Variants in MGST3 observed in about 807,000 individuals in gnomAD.
MGST3 encodes the protein microsomal glutathione S-transferase 3, also known as glutathione S-transferase 3, mitochondrial.
A neutral mutation model predicts 15.8 loss-of-function variants in MGST3; 13 were observed. The observed-to-expected ratio is 0.82, with a 90% CI of 0.54 to 1.31. The LOEUF (loss-of-function observed/expected upper bound fraction) is 1.31, where lower values mean the gene tolerates loss of function less well. MGST3 is among the 50% of genes most tolerant of loss of function. The probability of loss-of-function intolerance (pLI) is 0.00; values close to 1 mark genes in which losing one functional copy is unlikely to be tolerated. For missense variants in MGST3, 155 were observed against 192.4 expected (o/e 0.81, Z 1.15); for synonymous variants, 49 against 68.1 (o/e 0.72, Z 1.38).
intron 1 of MGST3, among the ~76,000 whole-genome samples, chr1:165,642,457 A>G (rs1465067928): frequency 2.0e-5 from 3 of 152,250 alleles, no homozygotes; most frequent in African/African-American, 7.2e-5. Flanking sequence ...AGTTCAGAAA[A>G]GGAAGAGGAT....
intron 1 of MGST3, chr1:165,632,358 C>T: frequency 1.4e-6 from 2 of 1,457,936 alleles, no homozygotes; most frequent in Non-Finnish European, 9.6e-7. Context: ...CAGCGCTTCT[C>T]TTGGGAAATC....
chr1:165,633,038 A>G (rs1455952772), intron 1 of MGST3, among the ~76,000 whole-genome samples: 1 of 152,224 alleles, frequency 6.6e-6, no homozygotes, highest in Admixed American at 6.5e-5. Flanking sequence ...ACCGACCACA[A>G]TTGACCATGA....
At position 165,639,642 on chromosome 1, in the gene MGST3, A is replaced by AAAATAC. The variant is rs9333410; in HGVS notation, c.-8+8353_-8+8358dup. 9.7e-3 allele frequency among the ~76,000 whole-genome samples: 1,481 copies of AAAATAC among 152,192 alleles called. 47 individuals carry two copies. The highest frequency in any genetic ancestry group is 0.058 in the Admixed American group (890 of 15,262). On this transcript the variant is annotated intron_variant, in intron 1 of 5. Coordinates refer to ENST00000367889, the MANE Select transcript of MGST3 (RefSeq NM_004528.4). ...ACATGGCGAAACCCCATCTCTACTAAAAATACAAAAATTAGCTGGGTGTAG... is the reference window on the plus strand; with the variant it reads ...ACATGGCGAAACCCCATCTCTACTAAAAATACAAATACAAAAATTAGCTGGGTGTAG...
intron 5 of MGST3, among the ~76,000 whole-genome samples, chr1:165,655,152 A>C (rs539790692): frequency 6.6e-6 from 1 of 152,330 alleles, no homozygotes; most frequent in East Asian, 1.9e-4. Context: ...TTATTATCCC[A>C]TAATTTTCTA....
Position 165,655,511 on chromosome 1 carries a change from A to G in MGST3, c.*7A>G, listed in dbSNP as rs1648684296. On this transcript the variant is annotated 3_prime_UTR_variant, in exon 6 of 6. Coordinates refer to ENST00000367889, the MANE Select transcript of MGST3 (RefSeq NM_004528.4). The stretch of plus-strand genomic sequence containing the variant: ...ACCCAAATGCTGCCATTAAAGAATT[A>G]TAGGGGTTTAAAAACTCTCATTCAT... 1 of 1,614,076 alleles carries G rather than the reference A, an allele frequency of 6.2e-7. No homozygotes were observed. Among genetic ancestry groups the G allele is most frequent in the Non-Finnish European group, 8.5e-7 (1 of 1,179,998 alleles).
At chr1:165,632,796 AGAGAT>A (rs1239916388) in intron 1 of MGST3, among the ~76,000 whole-genome samples, 1 of 152,178 alleles carries the variant, frequency 6.6e-6, no homozygotes, top group Non-Finnish European at 1.5e-5. Context: ...CAATCCTGGA[AGAGAT>A]CCTCCTCGCC....
intron 4 of MGST3, among the ~76,000 whole-genome samples, chr1:165,653,033 C>A (rs748834544): frequency 3.3e-5 from 5 of 152,208 alleles, no homozygotes; most frequent in Non-Finnish European, 7.3e-5. Flanking sequence ...CCATCTGGTT[C>A]ATCCTGAATG....
At chr1:165,650,717 C>G in intron 2 of MGST3, 1 of 416,444 alleles carries the variant, frequency 2.4e-6, no homozygotes, top group South Asian at 2.2e-5. Flanking sequence ...CTGAAATCCA[C>G]CATTGATGCT....
chr1:165,652,726 T>A, intron 4 of MGST3, among the ~76,000 whole-genome samples: 1 of 152,078 alleles, frequency 6.6e-6, no homozygotes, highest in Admixed American at 6.6e-5. Context: ...CTGGTTTGTT[T>A]GGTGAGCAGT....
intron 1 of MGST3, among the ~76,000 whole-genome samples, chr1:165,641,762 A>C (rs1648272065): frequency 6.6e-6 from 1 of 152,202 alleles, no homozygotes; most frequent in Non-Finnish European, 1.5e-5. Context: ...CTGACTCCTC[A>C]ATTCCTGCTA....
chr1:165,632,087 T>C, intron 1 of MGST3: 1 of 639,366 alleles, frequency 1.6e-6, no homozygotes, highest in Non-Finnish European at 2.7e-6. Flanking sequence ...TGGCTTCTGC[T>C]GATACTTTCC....
chr1:165,639,943 A>G (rs1309308068), intron 1 of MGST3, among the ~76,000 whole-genome samples: 1 of 152,214 alleles, frequency 6.6e-6, no homozygotes. Flanking sequence ...TGGAAGTCCT[A>G]CTGATTCATT....
At position 165,655,961 on chromosome 1, in the gene MGST3, A is replaced by T; in HGVS notation, c.*457A>T. On this transcript the variant is annotated 3_prime_UTR_variant, in exon 6 of 6. Transcript: ENST00000367889. ...CTCTACAAAAAAATATACAACAGTT[A>T]GCCAGGCATGATGGCACATGTCTGC... 4.7e-6 allele frequency: 1 copy of T among 212,012 alleles called. No individual in the cohort carries two copies. Among genetic ancestry groups the T allele is most frequent in the South Asian group, 7.3e-5 (1 of 13,770 alleles). The allele number at this position is 212,012 out of a possible 1,614,324, so 13.1% of individuals were successfully genotyped here.
intron 1 of MGST3, chr1:165,646,979 C>T (rs1403293416): frequency 6.6e-6 from 1 of 152,278 alleles, no homozygotes; most frequent in Non-Finnish European, 1.5e-5. Flanking sequence ...AGAACAGTCA[C>T]GCTGCTGCCC....
At chr1:165,641,589 T>C (rs1428356074) in intron 1 of MGST3, among the ~76,000 whole-genome samples, 1 of 152,254 alleles carries the variant, frequency 6.6e-6, no homozygotes, top group Non-Finnish European at 1.5e-5. Context: ...TATTTCTTCA[T>C]ATTTGGACCA....
intron 4 of MGST3, 105 bp from the exon 5 acceptor site, chr1:165,654,174 C>A (rs4147605): frequency 8.9e-7 from 1 of 1,128,840 alleles, no homozygotes; most frequent in Non-Finnish European, 1.3e-6. Context: ...GCCAAATCAT[C>A]AAATTGTTAA....
intron 5 of MGST3, among the ~76,000 whole-genome samples, chr1:165,654,580 A>G (rs1028007700): frequency 6.6e-6 from 1 of 152,136 alleles, no homozygotes; most frequent in Non-Finnish European, 1.5e-5. Flanking sequence ...AGTCCCAGCT[A>G]CTTGGGAGGC....
intron 1 of MGST3, chr1:165,632,340 A>G (rs1291693771): frequency 2.6e-6 from 4 of 1,548,128 alleles, no homozygotes; most frequent in Non-Finnish European, 3.6e-6. Flanking sequence ...GCTGGTGGGT[A>G]GGAGCTGCAG....
In MGST3 at chr1:165,650,928, A is replaced by T. The variant is rs1648534381; in HGVS notation, c.118-86A>T. ...AAGGGTGTGAAAGAAGATACTTTGG[A>T]ATATATTGTTTTTAAGGTTCATTTT... On this transcript the variant is annotated intron_variant, in intron 2 of 5. Coordinates refer to ENST00000367889, the MANE Select transcript of MGST3 (RefSeq NM_004528.4). The T allele has an allele frequency of 5.3e-6, 6 of 1,130,492 alleles. No homozygotes were observed. In the Admixed American group the frequency reaches 1.0e-4, roughly 19 times the overall value. The allele number at this position is 1,130,492 out of a possible 1,614,324, so 70.0% of individuals were successfully genotyped here.
Sources: gnomAD v4.1 joint callset for allele counts (sites outside exome capture counted in the v4.1 genomes callset) on GRCh38, gnomAD v4.1.1 for gene constraint, MANE v1.5 for transcripts, NCBI Gene and HGNC (gene_info 2026-07-23, HGNC 2026-07-21) for gene names.